SGCZ: variants seen among roughly 807,000 people sequenced by gnomAD.
SGCZ encodes the protein sarcoglycan zeta.
Under a neutral mutation model 41.3 loss-of-function variants are expected in SGCZ, and 40 were observed. The observed-to-expected ratio is 0.97, with a 90% CI of 0.75 to 1.26. The LOEUF is 1.26. Among genes scored for constraint, SGCZ ranks in the 50% most tolerant of loss-of-function variants. SGCZ has a pLI of 0.00. For synonymous variants in SGCZ, 206 were observed against 137.5 expected, an observed-to-expected ratio of 1.50 and a Z score of -3.49; for missense variants, 552 against 369.8, an observed-to-expected ratio of 1.49 and a Z score of -4.04.
At chr8:14,369,421 A>C (rs1803832550) in intron 2 of SGCZ, among the ~76,000 whole-genome samples, 1 of 151,932 alleles carries the variant, frequency 6.6e-6, no homozygotes, top group African/African-American at 2.4e-5. Context: ...CTTTATCAGG[A>C]ATGCCAGGAA....
intron 1 of SGCZ, among the ~76,000 whole-genome samples, chr8:14,788,316 G>A (rs555015963): frequency 3.8e-4 from 58 of 152,294 alleles, no homozygotes; most frequent in African/African-American, 1.3e-3. Flanking sequence ...TGAACAATGT[G>A]TGTTGGAAAG....
intron 2 of SGCZ, among the ~76,000 whole-genome samples, chr8:14,497,205 G>C (rs939069003): frequency 3.9e-5 from 6 of 152,068 alleles, no homozygotes; most frequent in African/African-American, 1.4e-4. Context: ...GGTTTATCTT[G>C]GCTCACGGTT....
intron 2 of SGCZ, among the ~76,000 whole-genome samples, chr8:14,325,049 G>A (rs2117034699): frequency 6.6e-6 from 1 of 152,220 alleles, no homozygotes; most frequent in African/African-American, 2.4e-5. Context: ...TGGAGCCGGA[G>A]AAAGGAAAGC....
chr8:14,165,867 T>C (rs1432850727), intron 4 of SGCZ, among the ~76,000 whole-genome samples: 3 of 152,164 alleles, frequency 2.0e-5, no homozygotes, highest in Non-Finnish European at 2.9e-5. Flanking sequence ...ATTAAATAGA[T>C]GAATGAATAC....
At position 14,607,334 on chromosome 8, in the gene SGCZ, A is replaced by G. The variant is rs189323789; in HGVS notation, c.40-52408T>C. On this transcript the variant is annotated intron_variant, in intron 1 of 7. Coordinates refer to ENST00000382080, the MANE Select transcript of SGCZ (RefSeq NM_139167.4). The stretch of plus-strand genomic sequence containing the variant: ...CATTTCCAATATTAATATTTTTATC[A>G]CTGAATTACGATCATCACTGCTTAA... Among the ~76,000 whole-genome samples the G allele has an allele frequency of 5.5e-3, 831 of 152,258 alleles. 2 individuals are homozygous for G. The highest frequency in any genetic ancestry group is 9.5e-3 in the Non-Finnish European group (643 of 68,010).
At chr8:15,044,403 T>C (rs777440965) in intron 1 of SGCZ, among the ~76,000 whole-genome samples, 21 of 152,296 alleles carry the variant, frequency 1.4e-4, no homozygotes, top group South Asian at 2.1e-4. Context: ...TTGGCAGGCA[T>C]CCTGTATGCA....
intron 1 of SGCZ, among the ~76,000 whole-genome samples, chr8:14,786,990 G>A (rs139691009): frequency 2.6e-5 from 4 of 152,220 alleles, no homozygotes; most frequent in African/African-American, 9.6e-5. Flanking sequence ...GAGCACCAGG[G>A]ACTCTTCCTA....
At chr8:14,577,723 AT>A (rs2117248192) in intron 1 of SGCZ, among the ~76,000 whole-genome samples, 1 of 152,214 alleles carries the variant, frequency 6.6e-6, no homozygotes, top group South Asian at 2.1e-4. Context: ...AAATTCAACA[AT>A]TGTCCTTCCA....
intron 6 of SGCZ, among the ~76,000 whole-genome samples, chr8:14,106,354 T>TAC (rs1484763769): frequency 6.6e-6 from 1 of 152,242 alleles, no homozygotes; most frequent in East Asian, 1.9e-4. Flanking sequence ...AGATGCTGTT[T>TAC]ACACACACTC....
intron 1 of SGCZ, among the ~76,000 whole-genome samples, chr8:15,205,639 C>T (rs538313158): frequency 4.6e-5 from 7 of 152,092 alleles, no homozygotes; most frequent in East Asian, 3.9e-4. Flanking sequence ...AAAGGGAACG[C>T]GTATACACTG....
chr8:15,111,951 C>T (rs915765391), intron 1 of SGCZ, among the ~76,000 whole-genome samples: 1 of 151,818 alleles, frequency 6.6e-6, no homozygotes, highest in Non-Finnish European at 1.5e-5. Context: ...TTATTTCATT[C>T]CTTCGTTACT....
chr8:14,136,304 C>T (rs1204719885), intron 5 of SGCZ, among the ~76,000 whole-genome samples: 1 of 152,112 alleles, frequency 6.6e-6, no homozygotes, highest in African/African-American at 2.4e-5. Flanking sequence ...ACTGCGTGGA[C>T]AGTGGGTGCA....
intron 1 of SGCZ, among the ~76,000 whole-genome samples, chr8:15,087,289 T>C (rs1328860504): frequency 6.6e-6 from 1 of 152,050 alleles, no homozygotes; most frequent in Non-Finnish European, 1.5e-5. Context: ...TCAGGAACAT[T>C]TCAATCTGAT....
chr8:14,181,942 G>A (rs1319442737), intron 4 of SGCZ, among the ~76,000 whole-genome samples: 1 of 152,102 alleles, frequency 6.6e-6, no homozygotes, highest in Non-Finnish European at 1.5e-5. Flanking sequence ...AGAGCCATGA[G>A]TTAACCCAAT....
At chr8:14,149,654 AG>A (rs200665893) in intron 5 of SGCZ, among the ~76,000 whole-genome samples, 1 of 15,426 alleles carries the variant, frequency 6.5e-5, no homozygotes, top group Admixed American at 9.7e-4. Context: ...CTTTCTTCAT[AG>A]GAAAAAAAAA....
At chr8:15,096,414 T>C (rs1806347978) in intron 1 of SGCZ, among the ~76,000 whole-genome samples, 1 of 152,134 alleles carries the variant, frequency 6.6e-6, no homozygotes. Context: ...AAATTCATGA[T>C]TGTCTACGAA....
intron 2 of SGCZ, among the ~76,000 whole-genome samples, chr8:14,326,196 T>C (rs1380191323): frequency 4.0e-5 from 6 of 148,240 alleles, no homozygotes; most frequent in Non-Finnish European, 8.9e-5. Flanking sequence ...CGTAGACAGA[T>C]GTTTATAAAA....
At chr8:14,578,016 G>A (rs990983215) in intron 1 of SGCZ, among the ~76,000 whole-genome samples, 1 of 152,088 alleles carries the variant, frequency 6.6e-6, no homozygotes, top group Non-Finnish European at 1.5e-5. Context: ...TACATCAAAG[G>A]GCCAGGAAAA....
At chr8:14,470,193 C>T (rs1274559730) in intron 2 of SGCZ, among the ~76,000 whole-genome samples, 2 of 151,940 alleles carry the variant, frequency 1.3e-5, no homozygotes, top group African/African-American at 2.4e-5. Context: ...AAAAACTTCT[C>T]GCAACGTTTG....
Sources: gnomAD v4.1 joint callset for allele counts (sites outside exome capture counted in the v4.1 genomes callset) on GRCh38, gnomAD v4.1.1 for gene constraint, MANE v1.5 for transcripts, NCBI Gene and HGNC (gene_info 2026-07-23, HGNC 2026-07-21) for gene names.